ACSL6: variants seen among roughly 807,000 people sequenced by gnomAD.
The protein encoded by ACSL6 is long-chain-fatty-acid--CoA ligase 6.
In ACSL6, 47 loss-of-function variants were observed where a neutral mutation model predicts 98.2. The ratio of observed to expected loss-of-function variants is 0.48; its 90% confidence interval spans 0.38 to 0.61. The LOEUF (loss-of-function observed/expected upper bound fraction) is 0.61. Among genes scored for constraint, ACSL6 ranks in the 20% least tolerant of loss-of-function variants. The probability of loss-of-function intolerance (pLI) is 0.00; values close to 1 mark genes in which losing one functional copy is unlikely to be tolerated. For missense variants in ACSL6, 761 were observed against 913.4 expected, an observed-to-expected ratio of 0.83 and a Z score of 2.15; for synonymous variants, 362 against 336.9, an observed-to-expected ratio of 1.07 and a Z score of -0.82.
At chr5:131,992,065 A>G (rs988784982) in intron 2 of ACSL6, among the ~76,000 whole-genome samples, 2 of 152,188 alleles carry the variant, frequency 1.3e-5, no homozygotes, top group Non-Finnish European at 2.9e-5. Flanking sequence ...TGTGTTATCG[A>G]TCAGCTGCCA....
At position 131,990,840 on chromosome 5, in the gene ACSL6, C is replaced by A. The variant is rs200813446; in HGVS notation, c.385+13G>T. The A allele has an allele frequency of 3.0e-3, 4,646 of 1,552,458 alleles. 52 individuals carry two copies. Among genetic ancestry groups the A allele is most frequent in the African/African-American group, 0.022 (1,455 of 66,746 alleles). On this transcript the variant is annotated intron_variant, in intron 3 of 20. Coordinates refer to ENST00000651883, the MANE Select transcript of ACSL6 (RefSeq NM_001009185.3). ...CACAGCCCCTCCACACCCCCCCCCA[C>A]AACCCTTCTCACCTGAGATGCTAAG...
intron 1 of ACSL6, among the ~76,000 whole-genome samples, chr5:131,995,253 G>T (rs1011750926): frequency 6.6e-6 from 1 of 152,096 alleles, no homozygotes; most frequent in Admixed American, 6.5e-5. Flanking sequence ...AGGGGCCTGC[G>T]GCATCCTCCT....
intron 12 of ACSL6, 69 bp from the exon 13 acceptor site, chr5:131,972,927 A>G (rs1202550152): frequency 6.2e-7 from 1 of 1,608,424 alleles, no homozygotes; most frequent in Non-Finnish European, 8.5e-7. Context: ...TCCCCCAGGA[A>G]TAAGGCCCAG....
intron 20 of ACSL6, among the ~76,000 whole-genome samples, chr5:131,958,192 A>G (rs1752516937): frequency 6.6e-6 from 1 of 152,208 alleles, no homozygotes; most frequent in African/African-American, 2.4e-5. Context: ...GCCCTGGGAC[A>G]GGTCCCGCAT....
At chr5:131,978,996 A>G (rs2126851246) in intron 9 of ACSL6, among the ~76,000 whole-genome samples, 1 of 152,352 alleles carries the variant, frequency 6.6e-6, no homozygotes, top group Middle Eastern at 3.4e-3. Flanking sequence ...AGATTATGAC[A>G]TGATTTAAAA....
chr5:131,985,153 T>A, intron 9 of ACSL6: 1 of 526,978 alleles, frequency 1.9e-6, no homozygotes, highest in Non-Finnish European at 3.5e-6. Context: ...CAGCTGCCCA[T>A]GACTCTGCTG....
intron 1 of ACSL6, among the ~76,000 whole-genome samples, chr5:132,002,487 G>A (rs1314626289): frequency 6.6e-6 from 1 of 152,122 alleles, no homozygotes; most frequent in Admixed American, 6.6e-5. Flanking sequence ...AAGTAGGGAG[G>A]GTCCTGCCAA....
At chr5:131,963,659 T>C (rs1202205597) in intron 17 of ACSL6, among the ~76,000 whole-genome samples, 5 of 152,136 alleles carry the variant, frequency 3.3e-5, no homozygotes, top group Admixed American at 1.3e-4. Context: ...CTGTCCTTGC[T>C]CACAAATCCA....
chr5:131,976,988 G>T (rs182321822), intron 9 of ACSL6, among the ~76,000 whole-genome samples: 2 of 152,216 alleles, frequency 1.3e-5, no homozygotes, highest in African/African-American at 2.4e-5. Context: ...AGGCCTGAAG[G>T]GTCAACTGCT....
Position 131,962,525 on chromosome 5 carries a change from G to C in ACSL6, c.1857+10C>G. The C allele has an allele frequency of 6.2e-7, 1 of 1,610,162 alleles. No individual in the cohort carries two copies. Among genetic ancestry groups the C allele is most frequent in the South Asian group, 1.1e-5 (1 of 90,684 alleles). ...GGATATGTGGGAGGGCTGAAGCCTA[G>C]AGGCCTCACCTTTAAGCTGTCCCCA... On this transcript the variant is annotated intron_variant, in intron 18 of 20. Transcript: ENST00000651883.
At chr5:131,994,437 C>T (rs901968108) in intron 1 of ACSL6, 186 bp from the exon 2 acceptor site, 9 of 592,722 alleles carry the variant, frequency 1.5e-5, no homozygotes, top group Admixed American at 3.0e-5. Flanking sequence ...AGGCCAGAAC[C>T]TTCTGCCGTC....
In ACSL6 at chr5:131,972,866, A is replaced by T. The variant is rs774508729; in HGVS notation, c.1204-8T>A. On this transcript the variant is annotated splice_region_variant and splice_polypyrimidine_tract_variant and intron_variant, in intron 12 of 20. Transcript: ENST00000651883. Reference sequence around the variant, plus strand: ...GTTTGCCTGGCTGAAGATCTGAGGAACATAAGTTGGAAGCAGCTGTCAGAG... The same window carrying T: ...GTTTGCCTGGCTGAAGATCTGAGGATCATAAGTTGGAAGCAGCTGTCAGAG... 2 of 1,614,154 alleles carry T rather than the reference A, an allele frequency of 1.2e-6. No individual in the cohort carries two copies. Among genetic ancestry groups the T allele is most frequent in the Non-Finnish European group, 1.7e-6 (2 of 1,179,994 alleles).
At position 131,954,357 on chromosome 5, in the gene ACSL6, G is replaced by A; in HGVS notation, c.2046C>T (p.His682=). Residue 682 remains histidine, a synonymous_variant, in exon 21 of 21, where the codon CAC becomes CAT. Transcript: ENST00000651883. ...GAACTGAGAACATGTCAGAATGGAT[G>A]TGAATGGCTTTAACCTAAAAACCAA... ...LHSFEQVKAI[H]IHSDMFSVQN... is the part of the protein sequence containing the mutation. 4 of 1,613,204 alleles carry A rather than the reference G, an allele frequency of 2.5e-6. No individual in the cohort carries two copies. The highest frequency in any genetic ancestry group is 3.4e-6 in the Non-Finnish European group (4 of 1,179,744).
chr5:131,975,176 G>T, intron 10 of ACSL6: 1 of 1,336,692 alleles, frequency 7.5e-7, no homozygotes, highest in Non-Finnish European at 9.7e-7. Flanking sequence ...GAGGGGGAAG[G>T]TGCAGAAAGA....
At chr5:131,970,750 G>C (rs914934787) in intron 14 of ACSL6, among the ~76,000 whole-genome samples, 1 of 152,136 alleles carries the variant, frequency 6.6e-6, no homozygotes, top group East Asian at 1.9e-4. Flanking sequence ...TTAGGGTAAA[G>C]ATTTCTGACC....
chr5:131,964,639 G>C (rs1366556249), intron 17 of ACSL6, among the ~76,000 whole-genome samples: 1 of 152,152 alleles, frequency 6.6e-6, no homozygotes, highest in Non-Finnish European at 1.5e-5. Flanking sequence ...AGAAAAACCA[G>C]GTAAAATGAA....
chr5:131,986,892 TTC>T (rs376758522), intron 7 of ACSL6, 38 bp from the exon 8 acceptor site: 2,344 of 1,568,964 alleles, frequency 1.5e-3, no homozygotes, highest in Middle Eastern at 2.0e-3. Context: ...TGCTCAAAAG[TTC>T]TCTCTCTCTC....
At chr5:131,986,483 C>A (rs768453624) in intron 8 of ACSL6, among the ~76,000 whole-genome samples, 10 of 152,214 alleles carry the variant, frequency 6.6e-5, no homozygotes, top group Non-Finnish European at 1.2e-4. Context: ...GAGTCCATTT[C>A]TGGTTCTGCT....
chr5:131,990,759 C>G, intron 3 of ACSL6, 94 bp downstream of exon 3: 1 of 1,157,320 alleles, frequency 8.6e-7, no homozygotes, highest in Non-Finnish European at 1.3e-6. Flanking sequence ...GCTCACCTGC[C>G]ATGGCCCTGG....
Sources: allele counts gnomAD v4.1 joint callset (sites outside exome capture counted in the v4.1 genomes callset), GRCh38; gene constraint gnomAD v4.1.1; transcripts MANE v1.5; gene names NCBI Gene and HGNC (gene_info 2026-07-23, HGNC 2026-07-21).